LEPR: variants seen among roughly 807,000 people sequenced by gnomAD.
LEPR encodes OB receptor.
Under a neutral mutation model 114.7 loss-of-function variants are expected in LEPR, and 56 were observed. That is an observed-to-expected ratio of 0.49 (90% confidence interval 0.39 to 0.61). The LOEUF is 0.61. LEPR is among the 20% of genes least tolerant of loss of function. LEPR has a pLI of 0.00. For missense variants in LEPR, 1,202 were observed against 1,352.9 expected (o/e 0.89, Z 1.75); for synonymous variants, 443 against 461.4 (o/e 0.96, Z 0.51).
At chr1:65,428,955 A>T (rs879267391) in intron 2 of LEPR, among the ~76,000 whole-genome samples, 3 of 152,260 alleles carry the variant, frequency 2.0e-5, no homozygotes, top group Admixed American at 2.0e-4. Context: ...GCTTTTCACT[A>T]GTGAGCATAT....
intron 2 of LEPR, among the ~76,000 whole-genome samples, chr1:65,458,257 T>G (rs1646901975): frequency 6.6e-6 from 1 of 152,198 alleles, no homozygotes; most frequent in Non-Finnish European, 1.5e-5. Context: ...AGTGGTACCT[T>G]CATTTATTCC....
At chr1:65,619,508 T>C (rs1194284267) in intron 16 of LEPR, among the ~76,000 whole-genome samples, 2 of 152,152 alleles carry the variant, frequency 1.3e-5, no homozygotes, top group Admixed American at 1.3e-4. Context: ...CTACCTTGAA[T>C]GGAATGGGGA....
intron 2 of LEPR, among the ~76,000 whole-genome samples, chr1:65,552,972 T>C (rs1430915285): frequency 6.6e-6 from 1 of 152,194 alleles, no homozygotes; most frequent in Non-Finnish European, 1.5e-5. Context: ...CCTTCACTTA[T>C]GAAGCTTAAT....
chr1:65,587,499 T>A (rs1173134981), intron 5 of LEPR, among the ~76,000 whole-genome samples: 1 of 152,094 alleles, frequency 6.6e-6, no homozygotes, highest in Non-Finnish European at 1.5e-5. Flanking sequence ...TTGTCTTTGA[T>A]ATTCACACCC....
At chr1:65,507,199 C>T (rs1326964752) in intron 2 of LEPR, among the ~76,000 whole-genome samples, 5 of 151,952 alleles carry the variant, frequency 3.3e-5, no homozygotes, top group East Asian at 1.9e-4. Flanking sequence ...TACAGGCACC[C>T]GCCACCACGC....
intron 2 of LEPR, among the ~76,000 whole-genome samples, chr1:65,446,874 C>T (rs887687796): frequency 2.0e-5 from 3 of 152,174 alleles, no homozygotes; most frequent in African/African-American, 7.2e-5. Flanking sequence ...CTCTGTCACT[C>T]AGGCTGGAGT....
At chr1:65,608,591 A>G (rs1033631667) in intron 11 of LEPR, among the ~76,000 whole-genome samples, 162 bp from the exon 12 acceptor site, 1 of 152,230 alleles carries the variant, frequency 6.6e-6, no homozygotes, top group Non-Finnish European at 1.5e-5. Context: ...CTCTTTTAAT[A>G]TATCACATAA....
chr1:65,468,295 C>G (rs114309300), intron 2 of LEPR, among the ~76,000 whole-genome samples: 2 of 152,248 alleles, frequency 1.3e-5, no homozygotes, highest in African/African-American at 4.8e-5. Flanking sequence ...TTAGGAAACT[C>G]TGAACAACTA....
chr1:65,598,532 G>A (rs1052627917), intron 7 of LEPR, 128 bp from the exon 8 acceptor site: 29 of 1,346,190 alleles, frequency 2.2e-5, no homozygotes, highest in African/African-American at 2.9e-5. Flanking sequence ...TTTTAATTCC[G>A]CTGTGGCCAG....
intron 6 of LEPR, among the ~76,000 whole-genome samples, chr1:65,595,100 C>A (rs1655969673): frequency 6.6e-6 from 1 of 151,864 alleles, no homozygotes; most frequent in Admixed American, 6.6e-5. Flanking sequence ...AAAGGGGAAG[C>A]TTGAAAAGAC....
chr1:65,628,866 T>C (rs981149941), intron 19 of LEPR, among the ~76,000 whole-genome samples: 1 of 152,180 alleles, frequency 6.6e-6, no homozygotes, highest in African/African-American at 2.4e-5. Flanking sequence ...TACAGTTAAA[T>C]ATTTGAGTTT....
At chr1:65,553,883 C>G (rs1782762) in intron 2 of LEPR, among the ~76,000 whole-genome samples, 111,249 of 152,012 alleles carry the variant, frequency 0.73, 41,866 homozygotes, top group Middle Eastern at 0.89. Context: ...CTTTGAATGG[C>G]GTTTTTCTGT....
At chr1:65,606,681 A>G (rs1047883516) in intron 11 of LEPR, among the ~76,000 whole-genome samples, 1 of 152,162 alleles carries the variant, frequency 6.6e-6, no homozygotes, top group Admixed American at 6.5e-5. Context: ...TATGATTCAT[A>G]TGATTCAGTT....
rs573083740 is a variant in LEPR, at chr1:65,513,151, T to G, written c.-20-52395T>G. On this transcript the variant is annotated intron_variant, in intron 2 of 19. Transcript: ENST00000349533. The stretch of plus-strand genomic sequence containing the variant: ...CAATTACAGAGTTAGGAATGTGAGA[T>G]ACTATGATGGTTCCAGCTTGGAGCT... Among the ~76,000 whole-genome samples the G allele has an allele frequency of 2.6e-5, 4 of 152,332 alleles. No individual in the cohort carries two copies. The South Asian group carries it at 6.2e-4, about 24-fold the overall frequency.
At chr1:65,438,113 CTTTTTTT>C (rs36053447) in intron 2 of LEPR, among the ~76,000 whole-genome samples, 62 of 87,760 alleles carry the variant, frequency 7.1e-4, no homozygotes, top group African/African-American at 2.8e-3. Context: ...TCCTAGCCGC[CTTTTTTT>C]TTTTTTTTTT....
At chr1:65,593,360 A>G (rs970318861) in intron 6 of LEPR, among the ~76,000 whole-genome samples, 6 of 152,096 alleles carry the variant, frequency 3.9e-5, no homozygotes, top group African/African-American at 1.4e-4. Context: ...CTGTACAAAC[A>G]TGATTACAAA....
chr1:65,580,382 G>C (rs1414182783), intron 5 of LEPR, among the ~76,000 whole-genome samples: 1 of 152,152 alleles, frequency 6.6e-6, no homozygotes, highest in Non-Finnish European at 1.5e-5. Context: ...GAATTCACAA[G>C]AGAAATTTTC....
At chr1:65,615,212 A>C (rs567563239) in intron 14 of LEPR, among the ~76,000 whole-genome samples, 1 of 152,310 alleles carries the variant, frequency 6.6e-6, no homozygotes, top group Non-Finnish European at 1.5e-5. Context: ...ATTGAGATGT[A>C]CTGTTCTAGT....
At chr1:65,533,113 A>G (rs1650519062) in intron 2 of LEPR, among the ~76,000 whole-genome samples, 1 of 152,198 alleles carries the variant, frequency 6.6e-6, no homozygotes, top group Non-Finnish European at 1.5e-5. Context: ...GATTCCAAAA[A>G]CATGAAGTTC....
Sources: allele counts gnomAD v4.1 joint callset (sites outside exome capture counted in the v4.1 genomes callset), GRCh38; gene constraint gnomAD v4.1.1; transcripts MANE v1.5; gene names NCBI Gene and HGNC (gene_info 2026-07-23, HGNC 2026-07-21).